Variants in AUTS2 observed in about 807,000 individuals in gnomAD.
AUTS2 encodes activator of transcription and developmental regulator AUTS2.
Under a neutral mutation model 112.4 loss-of-function variants are expected in AUTS2, and 17 were observed. That is an observed-to-expected ratio of 0.15 (90% CI 0.10 to 0.23). AUTS2 has a LOEUF of 0.23. AUTS2 is among the 10% of genes least tolerant of loss of function. The probability of loss-of-function intolerance (pLI) is 1.00; values close to 1 mark genes in which losing one functional copy is unlikely to be tolerated. For missense variants in AUTS2, 1,510 were observed against 1,701.6 expected (o/e 0.89, Z 1.98); for synonymous variants, 751 against 702.7 (o/e 1.07, Z -1.09).
chr7:69,664,427 G>C (rs1047643125), intron 1 of AUTS2, among the ~76,000 whole-genome samples: 1 of 152,148 alleles, frequency 6.6e-6, no homozygotes, highest in African/African-American at 2.4e-5. Context: ...TTCCAAGCTA[G>C]CTCTTGTGAA....
chr7:69,753,701 A>C (rs1035320805), intron 1 of AUTS2, among the ~76,000 whole-genome samples: 1 of 152,198 alleles, frequency 6.6e-6, no homozygotes, highest in Non-Finnish European at 1.5e-5. Flanking sequence ...CCAAAAGTCA[A>C]TTTTGGTATT....
chr7:69,659,413 ATAATT>A (rs1267593566), intron 1 of AUTS2, among the ~76,000 whole-genome samples: 2 of 151,020 alleles, frequency 1.3e-5, no homozygotes, highest in East Asian at 3.9e-4. Flanking sequence ...CTCTTATTAA[ATAATT>A]TAAAGGGATG....
intron 5 of AUTS2, among the ~76,000 whole-genome samples, chr7:70,504,320 C>A (rs138649680): frequency 1.3e-5 from 2 of 151,914 alleles, no homozygotes; most frequent in Non-Finnish European, 2.9e-5. Context: ...GCCACCGTGA[C>A]CCCATATCAC....
chr7:70,109,620 C>A (rs917596943), intron 2 of AUTS2, among the ~76,000 whole-genome samples: 1 of 152,142 alleles, frequency 6.6e-6, no homozygotes, highest in African/African-American at 2.4e-5. Flanking sequence ...GTCTGGCTTA[C>A]TACGATAAAG....
At chr7:69,996,260 A>G (rs1355521312) in intron 2 of AUTS2, among the ~76,000 whole-genome samples, 1 of 152,210 alleles carries the variant, frequency 6.6e-6, no homozygotes, top group Non-Finnish European at 1.5e-5. Context: ...ATGGCAAGGT[A>G]TGCTACATGG....
intron 6 of AUTS2, among the ~76,000 whole-genome samples, chr7:70,730,098 G>T (rs1787285482): frequency 6.6e-6 from 1 of 152,100 alleles, no homozygotes; most frequent in Admixed American, 6.6e-5. Context: ...TGGCTAGGCT[G>T]GTCTCAAACT....
intron 2 of AUTS2, among the ~76,000 whole-genome samples, chr7:70,018,420 A>G (rs186252476): frequency 1.6e-4 from 24 of 152,358 alleles, no homozygotes; most frequent in African/African-American, 5.3e-4. Flanking sequence ...CTAACGATCA[A>G]CTTCAACCAC....
At chr7:70,046,656 A>G (rs1258714014) in intron 2 of AUTS2, among the ~76,000 whole-genome samples, 1 of 152,228 alleles carries the variant, frequency 6.6e-6, no homozygotes, top group Non-Finnish European at 1.5e-5. Flanking sequence ...AGAACATTCC[A>G]TAAAGTAAAA....
At chr7:70,506,818 G>C (rs1322501087) in intron 5 of AUTS2, among the ~76,000 whole-genome samples, 1 of 152,220 alleles carries the variant, frequency 6.6e-6, no homozygotes, top group Non-Finnish European at 1.5e-5. Context: ...TATCTATATG[G>C]GGGAAATTAA....
chr7:69,796,551 G>A (rs905275728), intron 1 of AUTS2, among the ~76,000 whole-genome samples: 2 of 151,672 alleles, frequency 1.3e-5, no homozygotes, highest in Non-Finnish European at 2.9e-5. Flanking sequence ...AAAGAAAATA[G>A]GGAAGAGACT....
chr7:70,632,323 C>T (rs1805305512), intron 5 of AUTS2, among the ~76,000 whole-genome samples: 1 of 152,136 alleles, frequency 6.6e-6, no homozygotes, highest in Admixed American at 6.5e-5. Context: ...ATTCGGTTTC[C>T]TCTAGGTCCA....
At chr7:69,778,246 A>ATAT (rs1235370187) in intron 1 of AUTS2, among the ~76,000 whole-genome samples, 2 of 128,158 alleles carry the variant, frequency 1.6e-5, no homozygotes, top group East Asian at 2.2e-4. Context: ...ATATATATAT[A>ATAT]TTTTTTTTTT....
At chr7:69,739,834 C>T (rs927999718) in intron 1 of AUTS2, among the ~76,000 whole-genome samples, 2 of 152,086 alleles carry the variant, frequency 1.3e-5, no homozygotes, top group African/African-American at 4.8e-5. Context: ...ATGTTGTCGT[C>T]GGTGTATAGA....
chr7:69,674,179 T>C (rs761484528), intron 1 of AUTS2, among the ~76,000 whole-genome samples: 6 of 152,348 alleles, frequency 3.9e-5, no homozygotes, highest in Middle Eastern at 3.4e-3. Context: ...ATTTCACTGA[T>C]TCTGTACTTG....
chr7:69,965,524 C>A (rs542772274), intron 2 of AUTS2, among the ~76,000 whole-genome samples: 1 of 152,190 alleles, frequency 6.6e-6, no homozygotes, highest in Admixed American at 6.5e-5. Flanking sequence ...GCTATAGATG[C>A]CCCCAACCCA....
intron 4 of AUTS2, among the ~76,000 whole-genome samples, chr7:70,285,311 C>G (rs1032116133): frequency 3.3e-5 from 5 of 152,178 alleles, no homozygotes; most frequent in African/African-American, 9.7e-5. Flanking sequence ...CACATTTGCT[C>G]TGAGAAACCC....
chr7:70,157,174 C>T (rs897148930), intron 4 of AUTS2, among the ~76,000 whole-genome samples: 3 of 151,466 alleles, frequency 2.0e-5, no homozygotes, highest in Admixed American at 1.3e-4. Flanking sequence ...AGTATTTTCT[C>T]TTTTCTGATA....
chr7:70,014,820 T>C (rs1329479087), intron 2 of AUTS2, among the ~76,000 whole-genome samples: 1 of 152,218 alleles, frequency 6.6e-6, no homozygotes, highest in East Asian at 1.9e-4. Context: ...AGAATACTCA[T>C]CTGGTACACT....
chr7:70,316,389 C>G (rs1259478383), intron 4 of AUTS2, among the ~76,000 whole-genome samples: 1 of 148,662 alleles, frequency 6.7e-6, no homozygotes, highest in Non-Finnish European at 1.5e-5. Context: ...GCTGATGGAG[C>G]CAGGTCTCTA....
Sources: gnomAD v4.1 joint callset for allele counts (sites outside exome capture counted in the v4.1 genomes callset) on GRCh38, gnomAD v4.1.1 for gene constraint, MANE v1.5 for transcripts, NCBI Gene and HGNC (gene_info 2026-07-23, HGNC 2026-07-21) for gene names.